CUL2: variants seen among roughly 807,000 people sequenced by gnomAD.
CUL2 encodes cullin 2.
CUL2 carries 22 observed loss-of-function variants against 110.2 expected under a neutral mutation model. The observed-to-expected ratio is 0.20, with a 90% confidence interval of 0.14 to 0.28. The LOEUF is 0.28. CUL2 is among the 10% of genes least tolerant of loss of function. The pLI is 1.00. For synonymous variants in CUL2, 279 were observed against 293.2 expected, an observed-to-expected ratio of 0.95 and a Z score of 0.49; for missense variants, 631 against 905.5, an observed-to-expected ratio of 0.70 and a Z score of 3.89.
In CUL2 at chr10:35,105,421, G is replaced by A. The variant is rs558413417; in HGVS notation, c.-50-4361C>T. On this transcript the variant is annotated intron_variant, in intron 1 of 5. Transcript: ENST00000685421. ...AGCCTGGGCGACAGGGAGAGACACC[G>A]TTTCAAAAAACAAAAAACAAAAAAC... Among the ~76,000 whole-genome samples, 16 of 149,830 alleles carry A rather than the reference G, an allele frequency of 1.1e-4. No homozygotes were observed. In the East Asian group the frequency reaches 2.8e-3, roughly 26 times the overall value.
intron 1 of CUL2, among the ~76,000 whole-genome samples, chr10:35,124,081 G>A (rs1305128953): frequency 6.6e-6 from 1 of 152,188 alleles, no homozygotes; most frequent in Non-Finnish European, 1.5e-5. Context: ...ACTTTGGGAA[G>A]CCGAGGTGGG....
intron 2 of CUL2, among the ~76,000 whole-genome samples, chr10:35,097,772 A>C (rs1190454174): frequency 2.0e-5 from 3 of 152,022 alleles, no homozygotes; most frequent in African/African-American, 7.2e-5. Context: ...TACCCTGGGC[A>C]ATACAGCAAG....
intron 1 of CUL2, chr10:35,089,751 C>CA (rs951728083): frequency 6.6e-6 from 1 of 152,130 alleles, no homozygotes; most frequent in Non-Finnish European, 1.5e-5. Flanking sequence ...CCAAAGCTAT[C>CA]AATCTTTGCA....
chr10:35,037,505 T>C (rs924145757), intron 9 of CUL2, among the ~76,000 whole-genome samples: 2 of 152,230 alleles, frequency 1.3e-5, no homozygotes, highest in Admixed American at 6.5e-5. Flanking sequence ...AATGAAATTA[T>C]TGGGTTTTGA....
intron 16 of CUL2, among the ~76,000 whole-genome samples, chr10:35,026,463 T>C (rs1588962636): frequency 6.6e-6 from 1 of 152,158 alleles, no homozygotes; most frequent in Admixed American, 6.5e-5. Context: ...CTCAAAACAC[T>C]TTCGGAAATG....
At position 35,054,477 on chromosome 10, in the gene CUL2, T is replaced by C; in HGVS notation, c.380A>G (p.Tyr127Cys). 6.3e-7 allele frequency: 1 copy of C among 1,596,620 alleles called. No homozygotes were observed. Among genetic ancestry groups the C allele is most frequent in the Non-Finnish European group, 8.5e-7 (1 of 1,172,782 alleles). ...KLTEADLQYG[Y>C]GGVDMNEPLM... ...TGGTTCATTCATATCTACACCACCA[T>C]AGCCATACTGAAGGTCCGCTTCTGT... The change falls in exon 5 of 21, where the codon TAT becomes TGT. Residue 127 changes from tyrosine to cysteine, a missense_variant. Physicochemically the swap from Tyr to Cys is radical, Grantham distance 194. Coordinates refer to ENST00000374749, the MANE Select transcript of CUL2 (RefSeq NM_003591.4).
chr10:35,106,480 C>T (rs938635457), intron 1 of CUL2, among the ~76,000 whole-genome samples: 10 of 149,880 alleles, frequency 6.7e-5, no homozygotes, highest in African/African-American at 2.2e-4. Flanking sequence ...CCACCACGCC[C>T]GGCTAATTTT....
chr10:35,017,563 A>G (rs1020110267), intron 17 of CUL2, among the ~76,000 whole-genome samples: 8 of 152,024 alleles, frequency 5.3e-5, no homozygotes, highest in African/African-American at 1.9e-4. Context: ...GCATGATGGC[A>G]TATGCCTGTA....
chr10:35,121,161 G>A (rs2087673294), intron 1 of CUL2, among the ~76,000 whole-genome samples: 1 of 152,164 alleles, frequency 6.6e-6, no homozygotes, highest in Admixed American at 6.5e-5. Context: ...AGCTATTAGA[G>A]AAAGAGTGTT....
chr10:35,025,637 GAAGTTTTAGGGT>G lies in CUL2; in HGVS notation c.1618-451_1618-440del, dbSNP rs921508634. Among the ~76,000 whole-genome samples, 11 of 152,080 alleles carry G rather than the reference GAAGTTTTAGGGT, an allele frequency of 7.2e-5. 1 individual carries two copies. The highest frequency in any genetic ancestry group is 1.5e-4 in the Non-Finnish European group (10 of 68,012). Reference sequence around the variant, plus strand: ...TCCACATTCAATTAGACACAAATACGAAGTTTTAGGGTATATCTCTGGATTATTCTTTTGCTG... The same window carrying G: ...TCCACATTCAATTAGACACAAATACGATATCTCTGGATTATTCTTTTGCTG... On this transcript the variant is annotated intron_variant, in intron 16 of 20. Transcript: ENST00000374749.
At chr10:35,120,757 A>G (rs1037279293) in intron 1 of CUL2, among the ~76,000 whole-genome samples, 2 of 151,958 alleles carry the variant, frequency 1.3e-5, no homozygotes, top group African/African-American at 2.4e-5. Flanking sequence ...TTAGCCTGGC[A>G]TGGTGATGCA....
intron 15 of CUL2, 109 bp from the exon 16 acceptor site, chr10:35,028,996 A>C: frequency 3.0e-6 from 2 of 656,412 alleles, no homozygotes; most frequent in Non-Finnish European, 5.2e-6. Flanking sequence ...TCTTCCTCAA[A>C]ATGTTGATGA....
At position 35,013,706 on chromosome 10, in the gene CUL2, G is replaced by A. The variant is rs1293812989; in HGVS notation, c.1982C>T (p.Thr661Ile). Residue 661 changes from threonine (T) to isoleucine (I), a missense_variant, in exon 19 of 21, where the codon ACA becomes ATA. By Grantham distance (89) the Thr-to-Ile change is moderately conservative. Coordinates refer to ENST00000374749, the MANE Select transcript of CUL2 (RefSeq NM_003591.4). Reference sequence around the variant, plus strand: ...GACATTAAAAGCACTTACTTGTGGTGTGTCTTTCTGCATTGATGTAGTAAT... The same window carrying A: ...GACATTAAAAGCACTTACTTGTGGTATGTCTTTCTGCATTGATGTAGTAAT... ...FKITTSMQKD[T>I]PQEMEQTRSA... The A allele has an allele frequency of 6.4e-7, 1 of 1,558,936 alleles. No individual in the cohort carries two copies. The highest frequency in any genetic ancestry group is 8.7e-7 in the Non-Finnish European group (1 of 1,147,436).
At chr10:35,104,455 A>T (rs1453862255) in intron 1 of CUL2, among the ~76,000 whole-genome samples, 1 of 152,104 alleles carries the variant, frequency 6.6e-6, no homozygotes, top group African/African-American at 2.4e-5. Flanking sequence ...CTTCCCATTA[A>T]GGTTAACCCC....
intron 1 of CUL2, among the ~76,000 whole-genome samples, chr10:35,112,961 A>G (rs1275278422): frequency 6.6e-6 from 1 of 151,906 alleles, no homozygotes; most frequent in Non-Finnish European, 1.5e-5. Context: ...TGGGAGGCCA[A>G]GGCAGGCAGA....
intron 1 of CUL2, among the ~76,000 whole-genome samples, chr10:35,080,821 G>C (rs2086929239): frequency 6.6e-6 from 1 of 152,126 alleles, no homozygotes; most frequent in African/African-American, 2.4e-5. Context: ...CAGACATATG[G>C]TGTGTGCCAA....
chr10:35,063,511 A>T (rs1363762321), intron 2 of CUL2, among the ~76,000 whole-genome samples: 1 of 152,234 alleles, frequency 6.6e-6, no homozygotes, highest in Non-Finnish European at 1.5e-5. Context: ...AACAAAAATT[A>T]TTCATTTGAC....
At chr10:35,053,206 C>G (rs2086158092) in intron 5 of CUL2, among the ~76,000 whole-genome samples, 1 of 152,114 alleles carries the variant, frequency 6.6e-6, no homozygotes, top group Non-Finnish European at 1.5e-5. Context: ...GTGTGCTTGA[C>G]AGTGCTGGTG....
intron 17 of CUL2, among the ~76,000 whole-genome samples, chr10:35,020,005 A>G (rs1000680762): frequency 2.0e-5 from 3 of 152,210 alleles, no homozygotes; most frequent in African/African-American, 7.2e-5. Context: ...TAGCATCTCT[A>G]ATAGTGAGAC....
Sources: allele counts gnomAD v4.1 joint callset (sites outside exome capture counted in the v4.1 genomes callset), GRCh38; gene constraint gnomAD v4.1.1; transcripts MANE v1.5; gene names NCBI Gene and HGNC (gene_info 2026-07-23, HGNC 2026-07-21).